The following STK4 variants were observed in gnomAD, a reference collection of about 807,000 sequenced individuals.
STK4 encodes the protein serine/threonine-protein kinase 4.
STK4 carries 30 observed loss-of-function variants against 64.9 expected under a neutral mutation model. The ratio of observed to expected loss-of-function variants is 0.46; its 90% CI spans 0.35 to 0.63. The LOEUF (loss-of-function observed/expected upper bound fraction) is 0.63, where lower values mean the gene tolerates loss of function less well. Among genes scored for constraint, STK4 ranks in the 20% least tolerant of loss-of-function variants. The pLI, the probability that STK4 is intolerant of heterozygous loss-of-function variation, is 0.01. For synonymous variants in STK4, 177 were observed against 199.0 expected (o/e 0.89, Z 0.93); for missense variants, 466 against 598.5 (o/e 0.78, Z 2.31).
rs374505931 is a variant in STK4 at position 44,997,293 on chromosome 20, C to T, written c.818C>T (p.Thr273Ile). The change falls in exon 7 of 11, where the codon ACT becomes ATT. Residue 273 changes from threonine (T) to isoleucine (I), a missense_variant. Thr to Ile is a moderately conservative substitution (Grantham distance 89, BLOSUM62 -1). Transcript: ENST00000372806. ...AGCCCTGAGCAGAGGGCCACAGCCA[C>T]TCAGCTCCTGCAGGTATGAATCACC... The part of the protein sequence containing the change: ...VKSPEQRATA[T>I]QLLQHPFVRS... The T allele has an allele frequency of 1.8e-5, 29 of 1,601,576 alleles. No homozygotes were observed. The highest frequency in any genetic ancestry group is 8.1e-5 in the African/African-American group (6 of 74,132).
intron 10 of STK4, among the ~76,000 whole-genome samples, chr20:45,040,713 T>G (rs2068600025): frequency 6.6e-6 from 1 of 151,916 alleles, no homozygotes; most frequent in Admixed American, 6.6e-5. Flanking sequence ...CAAGTTGTGC[T>G]CATTGCAGTT....
At chr20:45,041,757 T>C (rs886128266) in intron 10 of STK4, among the ~76,000 whole-genome samples, 4 of 152,046 alleles carry the variant, frequency 2.6e-5, no homozygotes, top group African/African-American at 9.7e-5. Flanking sequence ...TAGTGCTGTT[T>C]GTATAAAGCA....
At chr20:45,043,003 C>T (rs556673838) in intron 10 of STK4, among the ~76,000 whole-genome samples, 1 of 152,190 alleles carries the variant, frequency 6.6e-6, no homozygotes, top group South Asian at 2.1e-4. Context: ...CTCCCTCCTC[C>T]CAAGCCCCCA....
intron 4 of STK4, among the ~76,000 whole-genome samples, chr20:44,985,924 A>T (rs2067523197): frequency 6.6e-6 from 1 of 152,174 alleles, no homozygotes; most frequent in Non-Finnish European, 1.5e-5. Flanking sequence ...TGTTTGTCAG[A>T]AGGGGAACTA....
At chr20:45,005,499 T>A (rs575426342) in intron 9 of STK4, among the ~76,000 whole-genome samples, 1 of 152,072 alleles carries the variant, frequency 6.6e-6, no homozygotes, top group Admixed American at 6.5e-5. Flanking sequence ...ATACAAAATA[T>A]TAGCCGGGCA....
chr20:44,983,249 A>T (rs1340702389), intron 4 of STK4, among the ~76,000 whole-genome samples: 1 of 152,196 alleles, frequency 6.6e-6, no homozygotes, highest in Non-Finnish European at 1.5e-5. Flanking sequence ...CCCAGGTATT[A>T]TAGGAAACCA....
intron 10 of STK4, among the ~76,000 whole-genome samples, chr20:45,038,908 A>T (rs1341700995): frequency 6.6e-6 from 1 of 152,056 alleles, no homozygotes; most frequent in East Asian, 1.9e-4. Context: ...ACATTTTTCA[A>T]ATTTTTTGGC....
chr20:44,967,217 G>A (rs1228934135), intron 1 of STK4: 1 of 985,266 alleles, frequency 1.0e-6, no homozygotes, highest in East Asian at 1.1e-4. Context: ...GATGTTCAGT[G>A]TCTTCCTAAT....
intron 10 of STK4, 34 bp downstream of exon 10, chr20:45,025,164 C>G: frequency 6.3e-7 from 1 of 1,579,440 alleles, no homozygotes; most frequent in Non-Finnish European, 8.6e-7. Context: ...GTTATGTCTT[C>G]AGGGGAAGTT....
intron 10 of STK4, among the ~76,000 whole-genome samples, chr20:45,053,774 C>T (rs1224297348): frequency 6.6e-6 from 1 of 152,164 alleles, no homozygotes; most frequent in Non-Finnish European, 1.5e-5. Flanking sequence ...TGCTATATTT[C>T]CAACAAGAGG....
At chr20:45,011,440 T>C (rs1206500112) in intron 9 of STK4, among the ~76,000 whole-genome samples, 1 of 152,064 alleles carries the variant, frequency 6.6e-6, no homozygotes, top group Non-Finnish European at 1.5e-5. Context: ...TTATTTTATT[T>C]AGTTGGGAGA....
intron 9 of STK4, among the ~76,000 whole-genome samples, chr20:45,023,887 A>G (rs903546828): frequency 1.4e-5 from 2 of 146,856 alleles, no homozygotes; most frequent in Admixed American, 1.4e-4. Flanking sequence ...CCTGTTCAAT[A>G]CTAACTTCTT....
chr20:45,022,554 C>T (rs185036353), intron 9 of STK4, among the ~76,000 whole-genome samples: 1 of 152,300 alleles, frequency 6.6e-6, no homozygotes, highest in African/African-American at 2.4e-5. Context: ...ATTATATTCT[C>T]ACTTAACAGA....
At chr20:45,043,894 A>G (rs62206407) in intron 10 of STK4, among the ~76,000 whole-genome samples, 8,019 of 152,224 alleles carry the variant, frequency 0.053, 332 homozygotes, top group Non-Finnish European at 0.083. Context: ...TCCATGGAGT[A>G]AATTTCACTA....
chr20:45,063,956 C>T (rs1425549180), intron 10 of STK4, among the ~76,000 whole-genome samples: 6 of 152,062 alleles, frequency 3.9e-5, no homozygotes, highest in African/African-American at 7.2e-5. Context: ...TACAGGCGCC[C>T]GCCACTATGC....
chr20:44,967,148 A>T (rs566362192), intron 1 of STK4: 3 of 985,336 alleles, frequency 3.0e-6, no homozygotes, highest in South Asian at 9.4e-5. Flanking sequence ...GGTGGAGGGT[A>T]GCATTTCAGA....
chr20:45,016,905 A>C (rs925569049), intron 9 of STK4, among the ~76,000 whole-genome samples: 8 of 152,242 alleles, frequency 5.3e-5, no homozygotes, highest in Non-Finnish European at 1.2e-4. Context: ...TTCATCAGTT[A>C]GTGGAATATA....
At chr20:44,978,951 A>T (rs1423644311) in intron 3 of STK4, among the ~76,000 whole-genome samples, 1 of 152,090 alleles carries the variant, frequency 6.6e-6, no homozygotes, top group Non-Finnish European at 1.5e-5. Flanking sequence ...GGCATGTGCC[A>T]CTACGCCCAG....
intron 10 of STK4, among the ~76,000 whole-genome samples, chr20:45,064,175 T>C (rs577764359): frequency 2.0e-5 from 3 of 152,164 alleles, no homozygotes; most frequent in Non-Finnish European, 2.9e-5. Flanking sequence ...ATTTATTGAA[T>C]AGGGATTCCT....
Sources: allele counts gnomAD v4.1 joint callset (sites outside exome capture counted in the v4.1 genomes callset), GRCh38; gene constraint gnomAD v4.1.1; transcripts MANE v1.5; gene names NCBI Gene and HGNC (gene_info 2026-07-23, HGNC 2026-07-21).